The following CCSER1 variants were observed in gnomAD, a reference collection of about 807,000 sequenced individuals.
The protein encoded by CCSER1 is serine-rich coiled-coil domain-containing protein 1.
In CCSER1, 41 loss-of-function variants were observed where a neutral mutation model predicts 82.0. That is an observed-to-expected ratio of 0.50 (90% confidence interval 0.39 to 0.65). The LOEUF (loss-of-function observed/expected upper bound fraction) is 0.65, where lower values mean the gene tolerates loss of function less well. Among genes scored for constraint, CCSER1 ranks in the 30% least tolerant of loss-of-function variants. The pLI, the probability that CCSER1 is intolerant of heterozygous loss-of-function variation, is 0.00. For missense variants in CCSER1, 1,119 were observed against 1,064.2 expected (o/e 1.05, Z -0.72); for synonymous variants, 414 against 383.9 (o/e 1.08, Z -0.92).
intron 5 of CCSER1, among the ~76,000 whole-genome samples, chr4:90,582,043 T>C (rs558631927): frequency 6.6e-6 from 1 of 152,234 alleles, no homozygotes; most frequent in South Asian, 2.1e-4. Flanking sequence ...ATCCCATTTC[T>C]GCATTTCTTG....
intron 3 of CCSER1, among the ~76,000 whole-genome samples, chr4:90,345,246 A>G (rs1410089522): frequency 6.6e-6 from 1 of 152,142 alleles, no homozygotes; most frequent in Non-Finnish European, 1.5e-5. Flanking sequence ...ATTGATTGCC[A>G]TGTTACTGAC....
chr4:91,512,813 A>G (rs1219523457), intron 10 of CCSER1, among the ~76,000 whole-genome samples: 1 of 152,076 alleles, frequency 6.6e-6, no homozygotes, highest in Admixed American at 6.6e-5. Flanking sequence ...CATTGATTTT[A>G]TATTCTGAAA....
intron 10 of CCSER1, among the ~76,000 whole-genome samples, chr4:91,586,182 A>C (rs1763982953): frequency 6.6e-6 from 1 of 151,724 alleles, no homozygotes; most frequent in Non-Finnish European, 1.5e-5. Context: ...TGAAGTATTA[A>C]GATGAAAACC....
At chr4:91,474,077 T>C (rs889926944) in intron 10 of CCSER1, among the ~76,000 whole-genome samples, 1 of 152,118 alleles carries the variant, frequency 6.6e-6, no homozygotes, top group Non-Finnish European at 1.5e-5. Context: ...GCTCTATTGC[T>C]GTATTTTGCA....
chr4:90,890,550 G>A (rs1722811631), intron 8 of CCSER1, among the ~76,000 whole-genome samples: 1 of 152,112 alleles, frequency 6.6e-6, no homozygotes, highest in Admixed American at 6.6e-5. Context: ...TGAAAAACAT[G>A]GGCATGCCCA....
At chr4:90,388,400 G>T (rs149595355) in intron 3 of CCSER1, among the ~76,000 whole-genome samples, 1,699 of 150,634 alleles carry the variant, frequency 0.011, 74 homozygotes, top group Admixed American at 0.087. Flanking sequence ...ACCTTTGCCC[G>T]CTGGGTTCAA....
chr4:90,256,464 G>C (rs1723301932), intron 1 of CCSER1, among the ~76,000 whole-genome samples: 1 of 152,112 alleles, frequency 6.6e-6, no homozygotes, highest in Admixed American at 6.6e-5. Flanking sequence ...CAGTTTTTAA[G>C]TGTTGATTCT....
At chr4:90,382,546 T>A (rs1749366205) in intron 3 of CCSER1, among the ~76,000 whole-genome samples, 1 of 152,068 alleles carries the variant, frequency 6.6e-6, no homozygotes, top group Non-Finnish European at 1.5e-5. Context: ...TGATTTTATT[T>A]TAGTAATTGA....
At chr4:91,371,751 T>C (rs1468769828) in intron 10 of CCSER1, among the ~76,000 whole-genome samples, 1 of 152,146 alleles carries the variant, frequency 6.6e-6, no homozygotes, top group Admixed American at 6.6e-5. Context: ...GTCTCATAAA[T>C]CAAAATACAA....
chr4:90,453,586 G>A (rs927784824), intron 4 of CCSER1, among the ~76,000 whole-genome samples: 1 of 152,148 alleles, frequency 6.6e-6, no homozygotes, highest in Admixed American at 6.5e-5. Context: ...CCAAACTTCT[G>A]TGTTAATATT....
intron 10 of CCSER1, among the ~76,000 whole-genome samples, chr4:91,386,037 C>T (rs1361008094): frequency 1.3e-5 from 2 of 151,546 alleles, no homozygotes; most frequent in Non-Finnish European, 3.0e-5. Flanking sequence ...CTTCTAGGCC[C>T]TCTTAGTAAA....
intron 8 of CCSER1, among the ~76,000 whole-genome samples, chr4:90,868,151 A>G (rs1321329699): frequency 6.6e-6 from 1 of 152,048 alleles, no homozygotes; most frequent in African/African-American, 2.4e-5. Context: ...CATCATGCTA[A>G]ATAGTATATC....
chr4:90,803,389 G>A (rs994397088), intron 7 of CCSER1, among the ~76,000 whole-genome samples: 1 of 151,896 alleles, frequency 6.6e-6, no homozygotes, highest in African/African-American at 2.4e-5. Flanking sequence ...AGGCCTTGCT[G>A]TGTGATGTTC....
chr4:90,615,799 T>G (rs1254970945), intron 5 of CCSER1, among the ~76,000 whole-genome samples: 2 of 152,084 alleles, frequency 1.3e-5, no homozygotes, highest in African/African-American at 4.8e-5. Flanking sequence ...GGGGCAGGGT[T>G]TGAGAGGATT....
chr4:91,386,778 C>A (rs183167081), intron 10 of CCSER1, among the ~76,000 whole-genome samples: 134 of 152,098 alleles, frequency 8.8e-4, no homozygotes, highest in African/African-American at 3.1e-3. Flanking sequence ...TTAGCCTTCC[C>A]ACATATATAC....
intron 10 of CCSER1, among the ~76,000 whole-genome samples, chr4:91,305,561 G>A (rs146857076): frequency 6.6e-6 from 1 of 152,100 alleles, no homozygotes; most frequent in African/African-American, 2.4e-5. Context: ...TGTAATTAAT[G>A]ATTGATTCAT....
intron 10 of CCSER1, among the ~76,000 whole-genome samples, chr4:91,373,193 C>T (rs1222543488): frequency 1.3e-5 from 2 of 151,844 alleles, no homozygotes; most frequent in Non-Finnish European, 2.9e-5. Context: ...ACATTTCTCC[C>T]GGTGCCAACA....
chr4:91,141,729 A>G (rs964678246), intron 10 of CCSER1, among the ~76,000 whole-genome samples: 14 of 152,152 alleles, frequency 9.2e-5, no homozygotes, highest in South Asian at 2.1e-4. Context: ...TGGCTGAATT[A>G]AGTTACATCC....
At chr4:91,153,454 A>G (rs1172298517) in intron 10 of CCSER1, among the ~76,000 whole-genome samples, 1 of 151,908 alleles carries the variant, frequency 6.6e-6, no homozygotes, top group African/African-American at 2.4e-5. Context: ...ATGGGTTCAG[A>G]CATCTTCCTT....
Sources: allele counts gnomAD v4.1 joint callset (sites outside exome capture counted in the v4.1 genomes callset), GRCh38; gene constraint gnomAD v4.1.1; transcripts MANE v1.5; gene names NCBI Gene and HGNC (gene_info 2026-07-23, HGNC 2026-07-21).